The following FMNL2 variants were observed in gnomAD, a reference collection of about 807,000 sequenced individuals.
FMNL2 encodes formin-like protein 2.
A neutral mutation model predicts 130.2 loss-of-function variants in FMNL2; 51 were observed. The ratio of observed to expected loss-of-function variants is 0.39; its 90% CI spans 0.31 to 0.49. The LOEUF (loss-of-function observed/expected upper bound fraction) is 0.49, where lower values mean the gene tolerates loss of function less well. Among genes scored for constraint, FMNL2 ranks in the 20% least tolerant of loss-of-function variants. The pLI is 0.85. For synonymous variants in FMNL2, 465 were observed against 467.1 expected (o/e 1.00, Z 0.06); for missense variants, 977 against 1,316.2 (o/e 0.74, Z 3.99).
chr2:152,631,992 T>A lies in FMNL2; in HGVS notation c.2551-16T>A. The A allele has an allele frequency of 6.2e-7, 1 of 1,607,814 alleles. No individual in the cohort carries two copies. Among genetic ancestry groups the A allele is most frequent in the Non-Finnish European group, 8.5e-7 (1 of 1,177,362 alleles). On this transcript the variant is annotated splice_polypyrimidine_tract_variant and intron_variant, in intron 20 of 25. Coordinates refer to ENST00000288670, the MANE Select transcript of FMNL2 (RefSeq NM_052905.4). The stretch of plus-strand genomic sequence containing the variant: ...CTTTACTCTTGTACCTAACCCACGT[T>A]CCCTTTTGTTTTCAGCTCTTAGATA...
At chr2:152,547,663 C>T (rs1694719654) in intron 3 of FMNL2, among the ~76,000 whole-genome samples, 1 of 152,120 alleles carries the variant, frequency 6.6e-6, no homozygotes, top group African/African-American at 2.4e-5. Flanking sequence ...GTAGCTCTTG[C>T]CACCCCACAT....
intron 1 of FMNL2, among the ~76,000 whole-genome samples, chr2:152,387,313 T>A (rs928868352): frequency 2.0e-5 from 3 of 152,208 alleles, no homozygotes; most frequent in Non-Finnish European, 4.4e-5. Context: ...AGTAGACAGA[T>A]GCTTTTCTTA....
intron 1 of FMNL2, among the ~76,000 whole-genome samples, chr2:152,490,081 C>T (rs1483068656): frequency 8.5e-5 from 13 of 152,262 alleles, no homozygotes; most frequent in Middle Eastern, 3.4e-3. Context: ...TATAGAAAAA[C>T]AGATGCTGCA....
At chr2:152,342,962 C>T (rs914989396) in intron 1 of FMNL2, among the ~76,000 whole-genome samples, 1 of 152,206 alleles carries the variant, frequency 6.6e-6, no homozygotes, top group African/African-American at 2.4e-5. Context: ...TCAGTGTTCA[C>T]TGGTAGGCAA....
At chr2:152,504,154 G>A (rs1029316332) in intron 1 of FMNL2, among the ~76,000 whole-genome samples, 1 of 152,206 alleles carries the variant, frequency 6.6e-6, no homozygotes, top group African/African-American at 2.4e-5. Flanking sequence ...TCGTGCCACT[G>A]CACTCCAGCC....
At chr2:152,365,865 C>A (rs1012480472) in intron 1 of FMNL2, among the ~76,000 whole-genome samples, 5 of 152,012 alleles carry the variant, frequency 3.3e-5, no homozygotes. Flanking sequence ...AAAGGGAGAC[C>A]GAGAATTGGT....
chr2:152,345,191 A>G (rs1682044869), intron 1 of FMNL2, among the ~76,000 whole-genome samples: 1 of 152,194 alleles, frequency 6.6e-6, no homozygotes, highest in South Asian at 2.1e-4. Context: ...CTTTCTAATA[A>G]TAGGGAACAG....
intron 10 of FMNL2, among the ~76,000 whole-genome samples, chr2:152,608,713 C>A (rs1698524718): frequency 6.6e-6 from 1 of 151,910 alleles, no homozygotes; most frequent in Non-Finnish European, 1.5e-5. Flanking sequence ...GAGATTGGTG[C>A]CTTGTCTCAT....
intron 1 of FMNL2, among the ~76,000 whole-genome samples, chr2:152,358,483 T>C (rs12185697): frequency 0.088 from 13,389 of 151,932 alleles, 667 homozygotes; most frequent in African/African-American, 0.14. Flanking sequence ...AAAACCCCTG[T>C]CTACTAAAAG....
intron 1 of FMNL2, among the ~76,000 whole-genome samples, chr2:152,379,178 A>C (rs762165705): frequency 6.6e-6 from 1 of 152,110 alleles, no homozygotes; most frequent in Non-Finnish European, 1.5e-5. Flanking sequence ...AGGTGCGTGC[A>C]GTGTGTCTGT....
At chr2:152,376,170 C>T (rs1418355156) in intron 1 of FMNL2, among the ~76,000 whole-genome samples, 1 of 152,142 alleles carries the variant, frequency 6.6e-6, no homozygotes, top group African/African-American at 2.4e-5. Context: ...GCTGGGATTA[C>T]AGGCATGAGC....
chr2:152,449,264 C>G (rs1688511792), intron 1 of FMNL2, among the ~76,000 whole-genome samples: 1 of 152,118 alleles, frequency 6.6e-6, no homozygotes, highest in Non-Finnish European at 1.5e-5. Flanking sequence ...GATGTGTGAT[C>G]TTCATGCTTA....
At chr2:152,430,715 T>C (rs1434552446) in intron 1 of FMNL2, among the ~76,000 whole-genome samples, 1 of 151,956 alleles carries the variant, frequency 6.6e-6, no homozygotes, top group East Asian at 1.9e-4. Flanking sequence ...TCTACTGAAA[T>C]ACAAAAAATT....
chr2:152,375,875 C>CTG (rs71394478), intron 1 of FMNL2, among the ~76,000 whole-genome samples: 1 of 112,834 alleles, frequency 8.9e-6, no homozygotes, highest in Non-Finnish European at 1.7e-5. Context: ...CTCTCTCTCT[C>CTG]TCTATATATA....
intron 4 of FMNL2, among the ~76,000 whole-genome samples, chr2:152,556,928 C>T (rs541655740): frequency 2.0e-3 from 301 of 152,058 alleles, no homozygotes; most frequent in Middle Eastern, 0.017. Context: ...CACCCACCAC[C>T]GAGGGCCAGT....
intron 9 of FMNL2, among the ~76,000 whole-genome samples, chr2:152,587,573 T>A (rs1000798766): frequency 6.6e-6 from 1 of 152,258 alleles, no homozygotes; most frequent in Non-Finnish European, 1.5e-5. Context: ...TTCATGTGAA[T>A]CTACTATGGG....
At chr2:152,610,793 A>G (rs1580091768) in intron 10 of FMNL2, among the ~76,000 whole-genome samples, 1 of 152,096 alleles carries the variant, frequency 6.6e-6, no homozygotes, top group African/African-American at 2.4e-5. Flanking sequence ...ATTTCTCTTA[A>G]CTGTATATCT....
At chr2:152,366,413 A>G (rs1683549370) in intron 1 of FMNL2, among the ~76,000 whole-genome samples, 1 of 151,920 alleles carries the variant, frequency 6.6e-6, no homozygotes, top group Admixed American at 6.6e-5. Context: ...CGTTGTGCAC[A>G]TGAACCCTAA....
intron 1 of FMNL2, among the ~76,000 whole-genome samples, chr2:152,420,362 A>G (rs2106039527): frequency 6.6e-6 from 1 of 152,344 alleles, no homozygotes; most frequent in Non-Finnish European, 1.5e-5. Context: ...CGTGATTTTT[A>G]AGAGTACAAG....
Sources: allele counts gnomAD v4.1 joint callset (sites outside exome capture counted in the v4.1 genomes callset), GRCh38; gene constraint gnomAD v4.1.1; transcripts MANE v1.5; gene names NCBI Gene and HGNC (gene_info 2026-07-23, HGNC 2026-07-21).